Variants in SPRR2G observed in about 807,000 individuals in gnomAD.
SPRR2G encodes the protein small proline rich protein 2G, also known as small proline-rich protein 2G.
Under a neutral mutation model 0.7 loss-of-function variants are expected in SPRR2G, and 1 was observed. The observed-to-expected ratio is 1.49, with a 90% confidence interval of 0.53 to 7.06. The LOEUF (loss-of-function observed/expected upper bound fraction) is 7.06. SPRR2G is among the 30% of genes most tolerant of loss of function. SPRR2G has a pLI of 0.14. For synonymous variants in SPRR2G, 38 were observed against 33.9 expected (o/e 1.12, Z -0.42); for missense variants, 96 against 88.5 (o/e 1.09, Z -0.34).
chr1:153,165,566 G>A, the SPRR2G span, among the ~76,000 whole-genome samples: 1 of 152,178 alleles, frequency 6.6e-6, no homozygotes, highest in Non-Finnish European at 1.5e-5. Flanking sequence ...AAGAGGATGA[G>A]GCTGGGATAC....
the SPRR2G span, among the ~76,000 whole-genome samples, chr1:153,193,679 A>G: frequency 6.6e-6 from 1 of 152,226 alleles, no homozygotes; most frequent in Non-Finnish European, 1.5e-5. Flanking sequence ...AGGAATCCTT[A>G]TAGAAGAACT....
chr1:153,170,001 A>G, the SPRR2G span, among the ~76,000 whole-genome samples: 1 of 152,226 alleles, frequency 6.6e-6, no homozygotes, highest in Non-Finnish European at 1.5e-5. Flanking sequence ...ACAGTCTTAC[A>G]GTTTATATTA....
At chr1:153,150,203 A>T (rs756862939) in intron 1 of SPRR2G, 72 bp from the exon 2 acceptor site, 120 of 1,578,878 alleles carry the variant, frequency 7.6e-5, no homozygotes, top group Admixed American at 1.6e-4. Flanking sequence ...CTAGGACATC[A>T]AATCTCCAGT....
At chr1:153,171,910 GC>G in the SPRR2G span, among the ~76,000 whole-genome samples, 1 of 151,516 alleles carries the variant, frequency 6.6e-6, no homozygotes, top group African/African-American at 2.4e-5. Flanking sequence ...CCCCTCCCAT[GC>G]CCCCCGAATC....
At chr1:153,194,406 C>G in the SPRR2G span, among the ~76,000 whole-genome samples, 1 of 152,204 alleles carries the variant, frequency 6.6e-6, no homozygotes, top group African/African-American at 2.4e-5. Context: ...TCATTAAACA[C>G]TTGCTGGGCC....
the SPRR2G span, among the ~76,000 whole-genome samples, chr1:153,192,970 G>A: frequency 6.6e-6 from 1 of 152,104 alleles, no homozygotes; most frequent in Non-Finnish European, 1.5e-5. Flanking sequence ...GGAGCACAAG[G>A]TGCGTCCTTT....
the SPRR2G span, among the ~76,000 whole-genome samples, chr1:153,202,750 C>T: frequency 2.6e-5 from 4 of 152,184 alleles, no homozygotes; most frequent in Non-Finnish European, 5.9e-5. Flanking sequence ...CAATTTTAAT[C>T]AAAAGTCACT....
the SPRR2G span, among the ~76,000 whole-genome samples, chr1:153,170,040 C>T: frequency 2.0e-5 from 3 of 152,102 alleles, no homozygotes; most frequent in Non-Finnish European, 2.9e-5. Flanking sequence ...TTTATTTAGA[C>T]ATGATTTTAA....
At chr1:153,199,887 G>C in the SPRR2G span, among the ~76,000 whole-genome samples, 28 of 152,142 alleles carry the variant, frequency 1.8e-4, no homozygotes, top group African/African-American at 6.5e-4. Flanking sequence ...AGAAGAAATA[G>C]AGTTGCTTTC....
At chr1:153,177,696 A>G in the SPRR2G span, among the ~76,000 whole-genome samples, 3 of 152,268 alleles carry the variant, frequency 2.0e-5, no homozygotes, top group Non-Finnish European at 2.9e-5. Flanking sequence ...TCATTTATCT[A>G]TATGTGTATT....
At chr1:153,155,948 AACCCATCTGCATTAAGTGGATTCCCC>A in the SPRR2G span, among the ~76,000 whole-genome samples, 324 of 152,342 alleles carry the variant, frequency 2.1e-3, 2 homozygotes, top group African/African-American at 7.4e-3. Context: ...TGTTAAGTGC[AACCCATCTGCATTAAGTGGATTCCCC>A]ACCCATATCC....
chr1:153,153,780 A>G (rs1057235454), upstream of SPRR2G, among the ~76,000 whole-genome samples: 1 of 152,192 alleles, frequency 6.6e-6, no homozygotes, highest in Non-Finnish European at 1.5e-5. Flanking sequence ...CTATTTTAAT[A>G]AATAAAGATA....
chr1:153,194,880 G>A, the SPRR2G span, among the ~76,000 whole-genome samples: 3 of 152,204 alleles, frequency 2.0e-5, no homozygotes, highest in African/African-American at 7.2e-5. Flanking sequence ...GAGTGAGTGG[G>A]AGTGAAGGTC....
At chr1:153,167,984 G>T in the SPRR2G span, among the ~76,000 whole-genome samples, 1 of 152,080 alleles carries the variant, frequency 6.6e-6, no homozygotes, top group African/African-American at 2.4e-5. Flanking sequence ...AGTATAAATG[G>T]TTCCATGATC....
chr1:153,166,182 G>T, the SPRR2G span, among the ~76,000 whole-genome samples: 6 of 152,140 alleles, frequency 3.9e-5, no homozygotes, highest in Non-Finnish European at 8.8e-5. Context: ...CAGGTCCAGA[G>T]AATCATTCCT....
At chr1:153,193,667 C>T in the SPRR2G span, among the ~76,000 whole-genome samples, 6 of 152,128 alleles carry the variant, frequency 3.9e-5, no homozygotes, top group East Asian at 1.2e-3. Context: ...AACACCCAGC[C>T]CAGGAATCCT....
At chr1:153,200,790 C>T in the SPRR2G span, among the ~76,000 whole-genome samples, 1 of 151,630 alleles carries the variant, frequency 6.6e-6, no homozygotes, top group Non-Finnish European at 1.5e-5. Context: ...ACCTTTGCCT[C>T]CCAGGTTCAA....
chr1:153,152,575 A>G (rs977219806), upstream of SPRR2G, among the ~76,000 whole-genome samples: 2 of 152,186 alleles, frequency 1.3e-5, no homozygotes, highest in Non-Finnish European at 2.9e-5. Flanking sequence ...GAGGAACAAC[A>G]TGAGGCTAGT....
chr1:153,173,883 C>T, the SPRR2G span, among the ~76,000 whole-genome samples: 3,183 of 152,238 alleles, frequency 0.021, 239 homozygotes, highest in Admixed American at 0.15. Flanking sequence ...TGCTCATGGA[C>T]TCCTCGGGAA....
Sources: allele counts gnomAD v4.1 joint callset (sites outside exome capture counted in the v4.1 genomes callset), GRCh38; gene constraint gnomAD v4.1.1; transcripts MANE v1.5; gene names NCBI Gene and HGNC (gene_info 2026-07-23, HGNC 2026-07-21).